The following LNPEP variants were observed in gnomAD, a reference collection of about 807,000 sequenced individuals.
LNPEP encodes the protein leucyl-cystinyl aminopeptidase.
A neutral mutation model predicts 120.6 loss-of-function variants in LNPEP; 64 were observed. The observed-to-expected ratio is 0.53, with a 90% CI of 0.43 to 0.65. The LOEUF is 0.65. Among genes scored for constraint, LNPEP ranks in the 30% least tolerant of loss-of-function variants. The pLI is 0.00. For synonymous variants in LNPEP, 435 were observed against 425.4 expected (o/e 1.02, Z -0.28); for missense variants, 1,057 against 1,200.0 (o/e 0.88, Z 1.76).
intron 4 of LNPEP, 44 bp downstream of exon 4, chr5:96,986,714 G>T (rs1297894007): frequency 6.3e-7 from 1 of 1,587,468 alleles, no homozygotes. Flanking sequence ...GTCACAAGAG[G>T]CTCAGAGGAC....
Position 97,014,962 on chromosome 5 carries a change from G to C in LNPEP, c.2243G>C (p.Arg748Thr). 6.3e-7 allele frequency: 1 copy of C among 1,577,900 alleles called. No individual in the cohort carries two copies. Among genetic ancestry groups the C allele is most frequent in the Non-Finnish European group, 8.6e-7 (1 of 1,163,446 alleles). The change falls in exon 13 of 18, where the codon AGG (arginine) becomes ACG (threonine). Residue 748 changes from arginine (R) to threonine (T), a missense_variant. Coordinates refer to ENST00000231368, the MANE Select transcript of LNPEP (RefSeq NM_005575.3). ...AGCCTAGGCAAGGTACCTCTCAAGA[G>C]GGCCTTTGATTTGATTAATTATCTT... is the stretch of plus-strand genomic sequence containing the variant. The part of the protein sequence containing the change: ...LAGLGKVPLK[R>T]AFDLINYLGN...
intron 1 of LNPEP, among the ~76,000 whole-genome samples, chr5:96,978,044 A>T (rs991334557): frequency 6.6e-6 from 1 of 151,978 alleles, no homozygotes; most frequent in African/African-American, 2.4e-5. Flanking sequence ...TTGCCATTTT[A>T]TAGGATTGTT....
chr5:97,004,132 G>C (rs1413232331), intron 9 of LNPEP, among the ~76,000 whole-genome samples: 1 of 152,202 alleles, frequency 6.6e-6, no homozygotes, highest in African/African-American at 2.4e-5. Context: ...AACCCGGGCT[G>C]CTTCATGCAT....
chr5:97,014,213 T>A (rs553340470), intron 12 of LNPEP, among the ~76,000 whole-genome samples: 18 of 152,298 alleles, frequency 1.2e-4, no homozygotes, highest in African/African-American at 4.1e-4. Flanking sequence ...CTCTGATGGC[T>A]GGAGCCACCT....
chr5:96,955,794 T>C (rs1337213088), intron 1 of LNPEP, among the ~76,000 whole-genome samples: 2 of 152,238 alleles, frequency 1.3e-5, no homozygotes, highest in Admixed American at 1.3e-4. Context: ...GTTTTGTTTC[T>C]CTGGGGTAAA....
chr5:96,995,151 C>T (rs1428747276), intron 6 of LNPEP, among the ~76,000 whole-genome samples: 2 of 152,064 alleles, frequency 1.3e-5, no homozygotes, highest in African/African-American at 4.8e-5. Flanking sequence ...TGGGGGATCT[C>T]CTCTAGGTCT....
intron 11 of LNPEP, among the ~76,000 whole-genome samples, chr5:97,013,155 A>C (rs1200457475): frequency 6.6e-6 from 1 of 152,094 alleles, no homozygotes; most frequent in East Asian, 1.9e-4. Context: ...GGCCTTGAGC[A>C]CTTGGGTTCC....
At position 97,011,346 on chromosome 5, in the gene LNPEP, C is replaced by T. The variant is rs564743076; in HGVS notation, c.2036-2302C>T. On this transcript the variant is annotated intron_variant, in intron 11 of 17. Transcript: ENST00000231368. ...TAGTTGACCTCAAGTGATACTCCTACCTCAGCCTCCTGAGTAGCTGGGACT... is the reference window on the plus strand; with the variant it reads ...TAGTTGACCTCAAGTGATACTCCTATCTCAGCCTCCTGAGTAGCTGGGACT... 1.4e-5 allele frequency: 3 copies of T among 219,496 alleles called. No homozygotes were observed. In the East Asian group the frequency reaches 5.5e-4, roughly 40 times the overall value. The allele number at this position is 219,496 out of a possible 1,614,324, so 13.6% of individuals were successfully genotyped here.
chr5:96,973,696 G>T (rs1789927109), intron 1 of LNPEP, among the ~76,000 whole-genome samples: 1 of 152,036 alleles, frequency 6.6e-6, no homozygotes. Context: ...CTGGATTTTG[G>T]TTTCACAGGG....
intron 11 of LNPEP, chr5:97,010,886 A>G: frequency 1.0e-6 from 1 of 985,348 alleles, no homozygotes; most frequent in Non-Finnish European, 1.2e-6. Context: ...ACCATTCTGG[A>G]TCATTCAGAA....
intron 1 of LNPEP, among the ~76,000 whole-genome samples, chr5:96,978,721 T>C (rs1360824088): frequency 1.3e-5 from 2 of 152,106 alleles, no homozygotes; most frequent in Non-Finnish European, 2.9e-5. Flanking sequence ...CCGTGGACTG[T>C]AGGTGGGCAC....
Position 96,996,386 on chromosome 5 carries a change from C to G in LNPEP, c.1408-4C>G, listed in dbSNP as rs183016551. The G allele has an allele frequency of 1.1e-5, 17 of 1,555,930 alleles. No homozygotes were observed. The highest frequency in any genetic ancestry group is 1.4e-5 in the Non-Finnish European group (16 of 1,127,362). On this transcript the variant is annotated splice_region_variant and splice_polypyrimidine_tract_variant and intron_variant, in intron 6 of 17. Coordinates refer to ENST00000231368, the MANE Select transcript of LNPEP (RefSeq NM_005575.3). The stretch of plus-strand genomic sequence containing the variant: ...TGTGGGTTAATTGTTTTCTCTCCCC[C>G]CAGTGGTTTGGCAATCTGGTAACAA...
intron 6 of LNPEP, among the ~76,000 whole-genome samples, chr5:96,995,691 G>A (rs539980190): frequency 6.6e-6 from 1 of 152,024 alleles, no homozygotes; most frequent in Admixed American, 6.6e-5. Flanking sequence ...ACCATGCCTG[G>A]CTTAATTTTT....
At chr5:96,960,692 TTTTAAAAATTAGTAG>T (rs1384755167) in intron 1 of LNPEP, among the ~76,000 whole-genome samples, 1 of 152,134 alleles carries the variant, frequency 6.6e-6, no homozygotes, top group Non-Finnish European at 1.5e-5. Flanking sequence ...AAAAACCAAA[TTTTAAAAATTAGTAG>T]TTTTATCACC....
intron 1 of LNPEP, among the ~76,000 whole-genome samples, chr5:96,945,617 G>A (rs1038543551): frequency 3.9e-5 from 6 of 152,058 alleles, no homozygotes; most frequent in South Asian, 2.1e-4. Context: ...AGAGTGTTTC[G>A]TCAGTCTTAA....
At chr5:97,022,996 T>C (rs1791249466) in intron 14 of LNPEP, among the ~76,000 whole-genome samples, 1 of 151,428 alleles carries the variant, frequency 6.6e-6, no homozygotes. Flanking sequence ...ATTCACATTA[T>C]TGTGTACTAT....
chr5:96,976,926 C>CT (rs11390165), intron 1 of LNPEP, among the ~76,000 whole-genome samples: 144,591 of 148,238 alleles, frequency 0.98, 70,533 homozygotes, highest in Non-Finnish European at 0.99. Flanking sequence ...ACAGAACATA[C>CT]TTTTTTTTTT....
intron 1 of LNPEP, among the ~76,000 whole-genome samples, chr5:96,976,470 A>G (rs190896579): frequency 1.8e-4 from 27 of 152,300 alleles, no homozygotes; most frequent in African/African-American, 5.5e-4. Flanking sequence ...AAACTGTAGA[A>G]TATCTCTTGG....
chr5:97,014,922 G>A lies in LNPEP; in HGVS notation c.2220-17G>A, dbSNP rs745309798. On this transcript the variant is annotated splice_polypyrimidine_tract_variant and intron_variant, in intron 12 of 17. Coordinates refer to ENST00000231368, the MANE Select transcript of LNPEP (RefSeq NM_005575.3). ...GTGTCTCTGCATATTTACTTTTCCT[G>A]TTCTTTTATCCTTTAGCCTAGGCAA... 7.4e-6 allele frequency: 11 copies of A among 1,487,980 alleles called. No homozygotes were observed. Among genetic ancestry groups the A allele is most frequent in the Non-Finnish European group, 9.8e-6 (11 of 1,117,500 alleles). 92.2% of individuals were successfully genotyped at this position (1,487,980 alleles called of 1,614,324 possible). A position where few individuals can be genotyped will look rare whatever the true frequency, so the allele number is the denominator to read the frequency against.
Sources: allele counts gnomAD v4.1 joint callset (sites outside exome capture counted in the v4.1 genomes callset), GRCh38; gene constraint gnomAD v4.1.1; transcripts MANE v1.5; gene names NCBI Gene and HGNC (gene_info 2026-07-23, HGNC 2026-07-21).